The following KIAA1549 variants were observed in gnomAD, a reference collection of about 807,000 sequenced individuals.
The protein encoded by KIAA1549 is KIAA1549, also known as UPF0606 protein KIAA1549.
In KIAA1549, 70 loss-of-function variants were observed where a neutral mutation model predicts 156.4. The observed-to-expected ratio is 0.45, with a 90% CI of 0.37 to 0.55. The LOEUF (loss-of-function observed/expected upper bound fraction) is 0.55. KIAA1549 is among the 20% of genes least tolerant of loss of function. KIAA1549 has a pLI of 0.00. For missense variants in KIAA1549, 2,428 were observed against 2,540.9 expected (o/e 0.96, Z 0.96); for synonymous variants, 1,103 against 1,066.4 (o/e 1.03, Z -0.67).
intron 6 of KIAA1549, among the ~76,000 whole-genome samples, chr7:138,906,433 T>A (rs1812007468): frequency 6.6e-6 from 1 of 152,212 alleles, no homozygotes; most frequent in African/African-American, 2.4e-5. Flanking sequence ...AGGTTATGAA[T>A]GTGCGGAAGC....
Position 138,835,607 on chromosome 7 carries a change from C to T in KIAA1549, c.*2299G>A, listed in dbSNP as rs1460922903. On this transcript the variant is annotated 3_prime_UTR_variant, in exon 20 of 20. Coordinates refer to ENST00000422774, the MANE Select transcript of KIAA1549 (RefSeq NM_001164665.2). ...GGGCCATTTATCCCGTTTGCTGTCA[C>T]ACGATTTGAATTCATTACAAGGTGT... 7 of 223,088 alleles carry T rather than the reference C, an allele frequency of 3.1e-5. No homozygotes were observed. The East Asian group carries it at 4.6e-4, about 15-fold the overall frequency. 13.8% of individuals were successfully genotyped at this position (223,088 alleles called of 1,614,324 possible).
At chr7:138,904,553 T>A (rs34368372) in intron 7 of KIAA1549, among the ~76,000 whole-genome samples, 1 of 149,158 alleles carries the variant, frequency 6.7e-6, no homozygotes, top group Non-Finnish European at 1.5e-5. Flanking sequence ...CAGACTTTTG[T>A]GCACTAGGTT....
intron 1 of KIAA1549, among the ~76,000 whole-genome samples, chr7:138,941,098 T>C (rs1016256296): frequency 2.0e-5 from 3 of 152,170 alleles, no homozygotes; most frequent in African/African-American, 7.2e-5. Flanking sequence ...AAAAATAATT[T>C]AAAAAGATGT....
chr7:138,977,685 C>T (rs543187214), intron 1 of KIAA1549, among the ~76,000 whole-genome samples: 19 of 151,498 alleles, frequency 1.3e-4, no homozygotes, highest in Non-Finnish European at 1.2e-4. Context: ...CACACACACA[C>T]GGAAAGAAAC....
chr7:138,912,353 C>G lies in KIAA1549; in HGVS notation c.2967+19G>C. 6.2e-7 allele frequency: 1 copy of G among 1,601,946 alleles called. No individual in the cohort carries two copies. The highest frequency in any genetic ancestry group is 2.2e-5 in the East Asian group (1 of 44,820). ...CCCAGTCTCACCAGACATCACACTC[C>G]TGAGCCACCAGGACTCACCTTCAGT... On this transcript the variant is annotated intron_variant, in intron 3 of 19. Coordinates refer to ENST00000422774, the MANE Select transcript of KIAA1549 (RefSeq NM_001164665.2).
rs1811930338 is a variant in KIAA1549, at chr7:138,903,863, G to GCA, written c.3521-128_3521-127insTG. The GCA allele has an allele frequency of 8.9e-6, 6 of 677,696 alleles. No homozygotes were observed. In the African/African-American group the frequency reaches 9.6e-5, roughly 11 times the overall value. 42.0% of individuals were successfully genotyped at this position (677,696 alleles called of 1,614,324 possible). ...TGTGTGTGTGTGTGTGCGCGCGCGCGCGCGCGCACATATGTATTTGAAATT... is the reference window on the plus strand; with the variant it reads ...TGTGTGTGTGTGTGTGCGCGCGCGCGCACGCGCGCACATATGTATTTGAAATT... On this transcript the variant is annotated intron_variant, in intron 7 of 19. Transcript: ENST00000422774.
intron 1 of KIAA1549, among the ~76,000 whole-genome samples, chr7:138,980,173 C>T (rs1041039354): frequency 8.5e-5 from 13 of 152,326 alleles, no homozygotes; most frequent in Admixed American, 2.6e-4. Flanking sequence ...CTAGCTGCTC[C>T]TTCCACCTTT....
chr7:138,886,756 C>T (rs974859451), intron 10 of KIAA1549, among the ~76,000 whole-genome samples: 2 of 152,176 alleles, frequency 1.3e-5, no homozygotes, highest in Admixed American at 6.5e-5. Flanking sequence ...TACAGGAGTA[C>T]ACCACTCCAC....
chr7:138,899,506 A>G (rs951987924), intron 8 of KIAA1549, among the ~76,000 whole-genome samples: 12 of 152,198 alleles, frequency 7.9e-5, no homozygotes, highest in Admixed American at 7.9e-4. Context: ...AGGATTAGGT[A>G]CATCCCTGGT....
At chr7:138,978,458 A>C (rs144255260) in intron 1 of KIAA1549, among the ~76,000 whole-genome samples, 365 of 151,968 alleles carry the variant, frequency 2.4e-3, no homozygotes, top group Middle Eastern at 0.024. Flanking sequence ...ACAACAGTCA[A>C]TGGTTAAGAC....
chr7:138,905,184 T>C (rs1811972444), intron 6 of KIAA1549, 103 bp from the exon 7 acceptor site: 2 of 785,206 alleles, frequency 2.5e-6, no homozygotes, highest in Non-Finnish European at 4.3e-6. Context: ...TAGCTCTAAA[T>C]GTGAAAGAAC....
At chr7:138,897,705 C>T (rs948500404) in intron 9 of KIAA1549, among the ~76,000 whole-genome samples, 6 of 151,638 alleles carry the variant, frequency 4.0e-5, no homozygotes, top group Non-Finnish European at 5.9e-5. Context: ...CCAGCCTAGG[C>T]AACATGGCAA....
chr7:138,915,135 G>A (rs1812281253), intron 2 of KIAA1549, among the ~76,000 whole-genome samples: 1 of 152,132 alleles, frequency 6.6e-6, no homozygotes, highest in Non-Finnish European at 1.5e-5. Context: ...CAGCCATGAT[G>A]ACAGTCTCCT....
intron 1 of KIAA1549, among the ~76,000 whole-genome samples, chr7:138,925,907 T>C (rs1812703362): frequency 6.7e-6 from 1 of 148,760 alleles, no homozygotes; most frequent in South Asian, 2.2e-4. Context: ...ACTTGCTAAA[T>C]TCTGTTACTA....
chr7:138,968,217 A>C (rs1174525711), intron 1 of KIAA1549, among the ~76,000 whole-genome samples: 3 of 152,202 alleles, frequency 2.0e-5, no homozygotes, highest in Non-Finnish European at 4.4e-5. Context: ...GGAGATTATT[A>C]GGAAAAAGAG....
At position 138,903,836 on chromosome 7, in the gene KIAA1549, TGTGTGTGTGTGTGTGTGCGC is replaced by T. The variant is rs1410350095; in HGVS notation, c.3521-120_3521-101del. On this transcript the variant is annotated intron_variant, in intron 7 of 19. Coordinates refer to ENST00000422774, the MANE Select transcript of KIAA1549 (RefSeq NM_001164665.2). Reference sequence around the variant, plus strand: ...GTGTGTGTGTGTGTGTGTGTGTGTGTGTGTGTGTGTGTGTGTGCGCGCGCGCGCGCGCGCACATATGTATT... The same window carrying T: ...GTGTGTGTGTGTGTGTGTGTGTGTGTGCGCGCGCGCGCGCACATATGTATT... 1.0e-3 allele frequency: 521 copies of T among 514,992 alleles called. 5 individuals carry two copies. The highest frequency in any genetic ancestry group is 6.1e-3 in the African/African-American group (121 of 19,834). 31.9% of individuals were successfully genotyped at this position (514,992 alleles called of 1,614,324 possible).
chr7:138,888,643 G>A (rs1563064397), intron 10 of KIAA1549, among the ~76,000 whole-genome samples: 2 of 152,078 alleles, frequency 1.3e-5, no homozygotes, highest in African/African-American at 4.8e-5. Context: ...CTGCTCTCTT[G>A]AAAGCAAATC....
At chr7:138,946,057 A>G (rs2130531835) in intron 1 of KIAA1549, among the ~76,000 whole-genome samples, 1 of 151,726 alleles carries the variant, frequency 6.6e-6, no homozygotes, top group Admixed American at 6.6e-5. Flanking sequence ...CCCACCCCTA[A>G]GCTCTCTCCA....
intron 1 of KIAA1549, among the ~76,000 whole-genome samples, chr7:138,976,921 C>T (rs926259257): frequency 6.6e-6 from 1 of 152,182 alleles, no homozygotes; most frequent in African/African-American, 2.4e-5. Flanking sequence ...CAAGCACCCC[C>T]ACATCCCCAA....
Sources: gnomAD v4.1 joint callset for allele counts (sites outside exome capture counted in the v4.1 genomes callset) on GRCh38, gnomAD v4.1.1 for gene constraint, MANE v1.5 for transcripts, NCBI Gene and HGNC (gene_info 2026-07-23, HGNC 2026-07-21) for gene names.